The following ADAMTS17 variants were observed in gnomAD, a reference collection of about 807,000 sequenced individuals.
The protein encoded by ADAMTS17 is A disintegrin and metalloproteinase with thrombospondin motifs 17.
Under a neutral mutation model 141.5 loss-of-function variants are expected in ADAMTS17, and 113 were observed. The ratio of observed to expected loss-of-function variants is 0.80; its 90% CI spans 0.69 to 0.93. The LOEUF is 0.93. Ranked by LOEUF, ADAMTS17 falls within the 40% of genes least tolerant of loss-of-function variation. ADAMTS17 has a pLI of 0.00. For synonymous variants in ADAMTS17, 768 were observed against 630.6 expected (o/e 1.22, Z -3.27); for missense variants, 1,659 against 1,517.9 (o/e 1.09, Z -1.54).
chr15:100,075,644 C>T (rs1383548), intron 15 of ADAMTS17, among the ~76,000 whole-genome samples: 144,209 of 152,280 alleles, frequency 0.95, 68,746 homozygotes, highest in East Asian at 1. Flanking sequence ...TAGCTTTGTG[C>T]CAACTTTTCC....
chr15:100,043,580 G>A (rs1220508456), intron 18 of ADAMTS17, among the ~76,000 whole-genome samples: 1 of 152,164 alleles, frequency 6.6e-6, no homozygotes, highest in Non-Finnish European at 1.5e-5. Flanking sequence ...AAACTCTTAC[G>A]TGTGGGCTAT....
intron 3 of ADAMTS17, among the ~76,000 whole-genome samples, chr15:100,297,063 C>T (rs148927868): frequency 1.3e-5 from 2 of 152,082 alleles, no homozygotes; most frequent in African/African-American, 4.8e-5. Flanking sequence ...AAAGCCTTCC[C>T]CAAGGCAGTG....
intron 12 of ADAMTS17, among the ~76,000 whole-genome samples, chr15:100,120,354 T>C (rs2037391088): frequency 6.6e-6 from 1 of 152,214 alleles, no homozygotes; most frequent in Admixed American, 6.5e-5. Flanking sequence ...GGCAGCTATG[T>C]CTGTGCTCCT....
chr15:100,061,111 G>A (rs573396789), intron 15 of ADAMTS17, among the ~76,000 whole-genome samples: 100 of 152,318 alleles, frequency 6.6e-4, no homozygotes, highest in South Asian at 2.1e-4. Context: ...ACCAATCTCC[G>A]TGGGATGCAG....
chr15:100,006,697 G>T (rs750848988), intron 18 of ADAMTS17, among the ~76,000 whole-genome samples: 2 of 152,228 alleles, frequency 1.3e-5, no homozygotes, highest in South Asian at 4.1e-4. Flanking sequence ...AAAAGAAGGC[G>T]CTGGTATCGA....
At position 100,271,322 on chromosome 15, in the gene ADAMTS17, A is replaced by G. The variant is rs189770896; in HGVS notation, c.790-8887T>C. Among the ~76,000 whole-genome samples, 56 of 152,188 alleles carry G rather than the reference A, an allele frequency of 3.7e-4. No homozygotes were observed. The East Asian group carries it at 0.01, about 27-fold the overall frequency. ...TTCTGTTTCATTGAGGAATCATACC[A>G]TTTTCTATATATTCCCACTAATAAT... On this transcript the variant is annotated intron_variant, in intron 4 of 21. Coordinates refer to ENST00000268070, the MANE Select transcript of ADAMTS17 (RefSeq NM_139057.4).
At chr15:100,065,129 C>G (rs914275687) in intron 15 of ADAMTS17, among the ~76,000 whole-genome samples, 3 of 152,158 alleles carry the variant, frequency 2.0e-5, no homozygotes, top group South Asian at 4.1e-4. Flanking sequence ...AAACAACATA[C>G]AGCAGAAAAC....
At chr15:100,033,716 C>T (rs1468354041) in intron 18 of ADAMTS17, among the ~76,000 whole-genome samples, 2 of 152,206 alleles carry the variant, frequency 1.3e-5, no homozygotes, top group Non-Finnish European at 2.9e-5. Context: ...GGAGTGGATA[C>T]AGGAGCTGCT....
chr15:100,078,468 G>A (rs1299320776), intron 15 of ADAMTS17, among the ~76,000 whole-genome samples: 1 of 152,090 alleles, frequency 6.6e-6, no homozygotes, highest in Non-Finnish European at 1.5e-5. Context: ...ATTCATCGGG[G>A]AAAGAACAGT....
intron 18 of ADAMTS17, among the ~76,000 whole-genome samples, chr15:100,041,028 A>G (rs971161254): frequency 2.6e-5 from 4 of 152,236 alleles, no homozygotes; most frequent in Non-Finnish European, 5.9e-5. Flanking sequence ...AGATCCACGT[A>G]TTCCAGGCTT....
chr15:99,996,176 G>T (rs912372525), intron 19 of ADAMTS17, among the ~76,000 whole-genome samples: 1 of 151,108 alleles, frequency 6.6e-6, no homozygotes, highest in Non-Finnish European at 1.5e-5. Flanking sequence ...TGCCTCAACC[G>T]CCCAAGTAGC....
intron 2 of ADAMTS17, among the ~76,000 whole-genome samples, chr15:100,340,153 G>A (rs1028389932): frequency 6.6e-6 from 1 of 152,208 alleles, no homozygotes; most frequent in Non-Finnish European, 1.5e-5. Flanking sequence ...CCCATCTGCC[G>A]GCCATGTGTG....
In ADAMTS17 at chr15:100,048,964, T is replaced by C; in HGVS notation, c.2484A>G (p.Thr828=). The change falls in exon 18 of 22, where the codon ACA becomes ACG. Residue 828 remains threonine (T), a synonymous_variant. Coordinates refer to ENST00000268070, the MANE Select transcript of ADAMTS17 (RefSeq NM_139057.4). ...GGERRTIVSC[T]RIVNKTTTLV... ...GAGTTGTGGTCTTGTTGACAATCCG[T>C]GTACACGAGACGATGGTTCTGCGCT... 1 of 1,614,134 alleles carries C rather than the reference T, an allele frequency of 6.2e-7. No homozygotes were observed. Among genetic ancestry groups the C allele is most frequent in the African/African-American group, 1.3e-5 (1 of 75,018 alleles).
intron 7 of ADAMTS17, among the ~76,000 whole-genome samples, chr15:100,215,430 T>G (rs1319369587): frequency 6.6e-6 from 1 of 152,202 alleles, no homozygotes; most frequent in African/African-American, 2.4e-5. Context: ...AGAAGGAACC[T>G]CACTGCTAGC....
chr15:99,976,196 C>T lies in ADAMTS17; in HGVS notation c.2976G>A (p.Leu992=). ...STCSSTCGKG[L]QSRVVQCMHK... Reference sequence around the variant, plus strand: ...GCATGCACTGCACCACCCGGGACTGCAGGCCCTTCCCGCAGGTCGACGAGC... The same window carrying T: ...GCATGCACTGCACCACCCGGGACTGTAGGCCCTTCCCGCAGGTCGACGAGC... Residue 992 remains leucine, a synonymous_variant, in exon 21 of 22, where the codon CTG becomes CTA. Transcript: ENST00000268070. 6 of 1,548,586 alleles carry T rather than the reference C, an allele frequency of 3.9e-6. No homozygotes were observed. The South Asian group carries it at 5.9e-5, about 15-fold the overall frequency.
intron 7 of ADAMTS17, among the ~76,000 whole-genome samples, chr15:100,238,864 T>C (rs1439009117): frequency 2.0e-5 from 3 of 152,158 alleles, no homozygotes; most frequent in African/African-American, 7.2e-5. Flanking sequence ...GAGGGCAGAA[T>C]ACTTGAGGTC....
intron 7 of ADAMTS17, among the ~76,000 whole-genome samples, chr15:100,231,945 G>A (rs1327744728): frequency 2.0e-5 from 3 of 152,098 alleles, no homozygotes; most frequent in Admixed American, 1.3e-4. Context: ...TCTTGGCATC[G>A]TCCTTAGTCT....
intron 8 of ADAMTS17, among the ~76,000 whole-genome samples, chr15:100,194,800 G>C (rs1458841827): frequency 2.6e-5 from 4 of 152,276 alleles, no homozygotes; most frequent in East Asian, 3.9e-4. Flanking sequence ...CATCCCAGCT[G>C]GGCAGTTTCT....
chr15:100,288,207 A>C (rs114341515), intron 3 of ADAMTS17, among the ~76,000 whole-genome samples: 2,934 of 152,322 alleles, frequency 0.019, 82 homozygotes, highest in African/African-American at 0.066. Context: ...CAAAAAAGCA[A>C]GAGTTGCTAT....
Sources: gnomAD v4.1 joint callset for allele counts (sites outside exome capture counted in the v4.1 genomes callset) on GRCh38, gnomAD v4.1.1 for gene constraint, MANE v1.5 for transcripts, NCBI Gene and HGNC (gene_info 2026-07-23, HGNC 2026-07-21) for gene names.